SHANK2: variants seen among roughly 807,000 people sequenced by gnomAD.
SHANK2 encodes the protein SH3 and multiple ankyrin repeat domains 2, also known as SH3 and multiple ankyrin repeat domains protein 2.
In SHANK2, 43 loss-of-function variants were observed where a neutral mutation model predicts 133.7. That is an observed-to-expected ratio of 0.32 (90% CI 0.25 to 0.41). SHANK2 has a LOEUF of 0.41. Among genes scored for constraint, SHANK2 ranks in the 10% least tolerant of loss-of-function variants. The pLI, the probability that SHANK2 is intolerant of heterozygous loss-of-function variation, is 1.00. For missense variants in SHANK2, 1,994 were observed against 2,235.8 expected, an observed-to-expected ratio of 0.89 and a Z score of 2.18; for synonymous variants, 1,017 against 952.8, an observed-to-expected ratio of 1.07 and a Z score of -1.24.
intron 2 of SHANK2, among the ~76,000 whole-genome samples, chr11:71,189,200 T>TCCA (rs1448756529): frequency 1.3e-5 from 2 of 152,344 alleles, no homozygotes; most frequent in African/African-American, 4.8e-5. Flanking sequence ...CTTCCCGCCA[T>TCCA]CCACCAGCAG....
rs782653529 is a variant in SHANK2 at position 70,647,686 on chromosome 11, C to T, written c.2061+12142G>A. 3.3e-5 allele frequency: 5 copies of T among 152,260 alleles called. No homozygotes were observed. In the South Asian group the frequency reaches 1.0e-3, roughly 31 times the overall value. 9.4% of individuals were successfully genotyped at this position (152,260 alleles called of 1,614,324 possible). ...GGCTGTTCGGAGTCTTATTTGCAGT[C>T]TGTATCATGCTGCTCAGCAGTTAAG... On this transcript the variant is annotated intron_variant, in intron 17 of 25. Coordinates refer to ENST00000601538, the MANE Select transcript of SHANK2 (RefSeq NM_012309.5).
chr11:70,691,960 A>C (rs1945297923), intron 15 of SHANK2, among the ~76,000 whole-genome samples: 1 of 152,164 alleles, frequency 6.6e-6, no homozygotes, highest in South Asian at 2.1e-4. Flanking sequence ...CAGTGAAATA[A>C]TCTCTTGCCC....
Position 70,689,984 on chromosome 11 carries a change from CT to C in SHANK2, c.1853+8703del, listed in dbSNP as rs373111503. Reference sequence around the variant, plus strand: ...CTACAACCTGGAGAACATTTGATAACTAGGGAATTTCCAGACAGGGAGGTTA... The same window carrying C: ...CTACAACCTGGAGAACATTTGATAACAGGGAATTTCCAGACAGGGAGGTTA... On this transcript the variant is annotated intron_variant, in intron 15 of 25. Coordinates refer to ENST00000601538, the MANE Select transcript of SHANK2 (RefSeq NM_012309.5). 3.5e-3 allele frequency among the ~76,000 whole-genome samples: 538 copies of C among 152,208 alleles called. 2 individuals carry two copies. Among genetic ancestry groups the C allele is most frequent in the African/African-American group, 0.012 (511 of 41,530 alleles).
At chr11:70,949,202 A>C (rs543693709) in intron 10 of SHANK2, among the ~76,000 whole-genome samples, 111 of 152,340 alleles carry the variant, frequency 7.3e-4, no homozygotes, top group South Asian at 7.2e-3. Context: ...AAAGGCTAAA[A>C]TCGAAGCTGA....
chr11:70,652,101 G>C (rs1050267468), intron 17 of SHANK2, among the ~76,000 whole-genome samples: 1 of 152,358 alleles, frequency 6.6e-6, no homozygotes, highest in South Asian at 2.1e-4. Context: ...GGGCAAAGTG[G>C]GCATCAGGAA....
At chr11:70,560,863 G>A (rs532598554) in intron 17 of SHANK2, among the ~76,000 whole-genome samples, 1 of 152,098 alleles carries the variant, frequency 6.6e-6, no homozygotes, top group Non-Finnish European at 1.5e-5. Context: ...AACTCCTCAA[G>A]TGATTCGCCT....
chr11:70,622,092 C>T (rs550763370), intron 17 of SHANK2, among the ~76,000 whole-genome samples: 85 of 152,144 alleles, frequency 5.6e-4, no homozygotes, highest in Non-Finnish European at 1.2e-3. Context: ...GGGGTGTTTG[C>T]CTGTCACTAG....
chr11:71,148,526 G>T lies in SHANK2; in HGVS notation c.-12-1188C>A, dbSNP rs556099043. ...AGTTGGCTTGACCCAGGGATGGCAG[G>T]GACTGGGGGAGGAGGGGCCATGCTG... On this transcript the variant is annotated intron_variant, in intron 2 of 25. Coordinates refer to ENST00000601538, the MANE Select transcript of SHANK2 (RefSeq NM_012309.5). 1.4e-4 allele frequency among the ~76,000 whole-genome samples: 22 copies of T among 152,340 alleles called. No individual in the cohort carries two copies. In the South Asian group the frequency reaches 4.6e-3, roughly 32 times the overall value.
chr11:70,540,209 G>T (rs888547283), intron 17 of SHANK2, among the ~76,000 whole-genome samples: 1 of 152,218 alleles, frequency 6.6e-6, no homozygotes, highest in Non-Finnish European at 1.5e-5. Context: ...ACAGCCGTGA[G>T]TTATGGGCAT....
intron 15 of SHANK2, among the ~76,000 whole-genome samples, chr11:70,681,319 G>C (rs782550303): frequency 4.6e-5 from 7 of 152,172 alleles, no homozygotes; most frequent in Non-Finnish European, 1.0e-4. Flanking sequence ...ATTCGCACTG[G>C]AGGAGAATTC....
At chr11:70,653,441 G>T (rs1205675769) in intron 17 of SHANK2, among the ~76,000 whole-genome samples, 1 of 150,778 alleles carries the variant, frequency 6.6e-6, no homozygotes, top group Non-Finnish European at 1.5e-5. Context: ...ACCAGCCCAA[G>T]AAACATATAT....
intron 2 of SHANK2, among the ~76,000 whole-genome samples, chr11:71,192,928 TG>T (rs1295249851): frequency 2.4e-4 from 37 of 152,252 alleles, no homozygotes; most frequent in Admixed American, 2.4e-3. Flanking sequence ...GCATCCTTAA[TG>T]GGGGAACCTT....
intron 15 of SHANK2, among the ~76,000 whole-genome samples, chr11:70,690,488 GTTTTTTTTTTTTTTTTTTTTTT>G (rs35737323): frequency 6.1e-5 from 2 of 32,818 alleles, no homozygotes; most frequent in Admixed American, 1.2e-3. Flanking sequence ...TACTTCCCAT[GTTTTTTTTTTTTTTTTTTTTTT>G]TTTTTTTTTT....
intron 17 of SHANK2, chr11:70,604,346 C>G (rs59155199): frequency 0.09 from 13,755 of 152,562 alleles, 1,473 homozygotes; most frequent in African/African-American, 0.24. Context: ...TCTGGCAGAT[C>G]TGCACATGGC....
At chr11:70,494,542 C>T (rs1555156677) in intron 21 of SHANK2, among the ~76,000 whole-genome samples, 1 of 152,174 alleles carries the variant, frequency 6.6e-6, no homozygotes. Flanking sequence ...GATGTGCCCG[C>T]CTTGGCCTCC....
At chr11:70,650,051 G>A (rs1302590205) in intron 17 of SHANK2, among the ~76,000 whole-genome samples, 1 of 152,190 alleles carries the variant, frequency 6.6e-6, no homozygotes, top group Non-Finnish European at 1.5e-5. Context: ...CACCTAACAC[G>A]GGAGATGTAT....
chr11:70,946,588 AG>A (rs1555085505), intron 10 of SHANK2, among the ~76,000 whole-genome samples: 1 of 144,686 alleles, frequency 6.9e-6, no homozygotes, highest in African/African-American at 2.6e-5. Flanking sequence ...AACACTTCCC[AG>A]GATCAGCCTC....
chr11:71,119,190 T>G (rs782102283), intron 3 of SHANK2, among the ~76,000 whole-genome samples, 158 bp from the exon 4 acceptor site: 2 of 152,172 alleles, frequency 1.3e-5, no homozygotes, highest in Non-Finnish European at 2.9e-5. Flanking sequence ...AAATAAAGCC[T>G]ACTGGTTGCT....
chr11:70,555,957 C>T (rs564267375), intron 17 of SHANK2, among the ~76,000 whole-genome samples: 1 of 152,234 alleles, frequency 6.6e-6, no homozygotes, highest in Admixed American at 6.5e-5. Flanking sequence ...CTGAAGCTAG[C>T]AAGGGTGATT....
Sources: gnomAD v4.1 joint callset for allele counts (sites outside exome capture counted in the v4.1 genomes callset) on GRCh38, gnomAD v4.1.1 for gene constraint, MANE v1.5 for transcripts, NCBI Gene and HGNC (gene_info 2026-07-23, HGNC 2026-07-21) for gene names.